Variants in SIPA1L1 observed in about 807,000 individuals in gnomAD.
The protein encoded by SIPA1L1 is signal-induced proliferation-associated 1-like protein 1.
In SIPA1L1, 26 loss-of-function variants were observed where a neutral mutation model predicts 162.7. That is an observed-to-expected ratio of 0.16 (90% CI 0.12 to 0.22). The LOEUF (loss-of-function observed/expected upper bound fraction) is 0.22, where lower values mean the gene tolerates loss of function less well. SIPA1L1 is among the 10% of genes least tolerant of loss of function. The pLI is 1.00. For synonymous variants in SIPA1L1, 829 were observed against 837.4 expected (o/e 0.99, Z 0.17); for missense variants, 1,874 against 2,241.0 (o/e 0.84, Z 3.31).
At chr14:71,670,201 T>C (rs1470307405) in intron 10 of SIPA1L1, among the ~76,000 whole-genome samples, 1 of 152,228 alleles carries the variant, frequency 6.6e-6, no homozygotes, top group African/African-American at 2.4e-5. Flanking sequence ...AACCTCTCTA[T>C]TTCTATATCA....
chr14:71,599,034 C>A (rs2036393105), intron 5 of SIPA1L1, among the ~76,000 whole-genome samples: 1 of 152,094 alleles, frequency 6.6e-6, no homozygotes, highest in African/African-American at 2.4e-5. Context: ...TTTTAGCTCC[C>A]ACATGTGCCT....
chr14:71,436,326 T>G (rs1327937216), intron 2 of SIPA1L1, among the ~76,000 whole-genome samples: 2 of 152,222 alleles, frequency 1.3e-5, no homozygotes, highest in East Asian at 1.9e-4. Context: ...TTTTGGAATT[T>G]TATGTCTTAC....
intron 2 of SIPA1L1, among the ~76,000 whole-genome samples, chr14:71,398,707 C>T (rs1444900845): frequency 6.6e-6 from 1 of 152,084 alleles, no homozygotes; most frequent in African/African-American, 2.4e-5. Flanking sequence ...AAGGGTGAGG[C>T]CAAAGCTAGA....
At chr14:71,503,849 A>AC (rs1304772696) in intron 2 of SIPA1L1, 2 of 151,984 alleles carry the variant, frequency 1.3e-5, no homozygotes, top group Non-Finnish European at 2.9e-5. Flanking sequence ...TGTCACCCAG[A>AC]CTAGAGTACA....
chr14:71,423,616 C>T (rs562917897), intron 2 of SIPA1L1, among the ~76,000 whole-genome samples: 1 of 152,236 alleles, frequency 6.6e-6, no homozygotes, highest in Admixed American at 6.5e-5. Flanking sequence ...AAAATCATTT[C>T]ACCATGTATG....
intron 3 of SIPA1L1, among the ~76,000 whole-genome samples, chr14:71,522,895 G>C (rs942880770): frequency 6.6e-6 from 1 of 152,124 alleles, no homozygotes; most frequent in African/African-American, 2.4e-5. Context: ...ATTTCACCAT[G>C]TTGGCCAGGC....
At chr14:71,477,881 G>T (rs1359811044) in intron 2 of SIPA1L1, among the ~76,000 whole-genome samples, 1 of 152,126 alleles carries the variant, frequency 6.6e-6, no homozygotes, top group East Asian at 1.9e-4. Flanking sequence ...CCAGGACTGG[G>T]ATTGCTGGAT....
intron 2 of SIPA1L1, among the ~76,000 whole-genome samples, chr14:71,502,229 C>A (rs1595792393): frequency 9.5e-6 from 1 of 105,588 alleles, no homozygotes; most frequent in African/African-American, 3.8e-5. Flanking sequence ...TCATGAGAGC[C>A]TTTGAGATAC....
At chr14:71,404,122 G>A (rs967617702) in intron 2 of SIPA1L1, among the ~76,000 whole-genome samples, 20 of 151,936 alleles carry the variant, frequency 1.3e-4, no homozygotes, top group African/African-American at 4.6e-4. Flanking sequence ...GGCACTCAGG[G>A]GTGTAACTAT....
At chr14:71,684,067 C>A (rs1163529940) in intron 12 of SIPA1L1, among the ~76,000 whole-genome samples, 1 of 152,104 alleles carries the variant, frequency 6.6e-6, no homozygotes, top group South Asian at 2.1e-4. Context: ...TTAAGGTCAC[C>A]CTTGGCTTTT....
intron 2 of SIPA1L1, among the ~76,000 whole-genome samples, chr14:71,423,306 T>C (rs1276507900): frequency 6.6e-6 from 1 of 152,194 alleles, no homozygotes; most frequent in African/African-American, 2.4e-5. Flanking sequence ...TGTCTTTTGA[T>C]GCACAAAATT....
intron 2 of SIPA1L1, among the ~76,000 whole-genome samples, chr14:71,392,511 C>T (rs372781058): frequency 6.6e-6 from 1 of 152,126 alleles, no homozygotes; most frequent in South Asian, 2.1e-4. Flanking sequence ...CTTCATAACA[C>T]ATACCTCTGT....
At chr14:71,546,311 A>G (rs957249696) in intron 4 of SIPA1L1, among the ~76,000 whole-genome samples, 1 of 149,326 alleles carries the variant, frequency 6.7e-6, no homozygotes, top group African/African-American at 2.5e-5. Context: ...TGGCTCTTCT[A>G]CTTTTGCGAA....
At chr14:71,635,648 A>G (rs2041067515) in intron 7 of SIPA1L1, among the ~76,000 whole-genome samples, 2 of 152,240 alleles carry the variant, frequency 1.3e-5, no homozygotes, top group Admixed American at 1.3e-4. Flanking sequence ...GATAAATCAG[A>G]AAAGAATTCT....
chr14:71,658,766 G>A (rs2043274188), intron 9 of SIPA1L1, among the ~76,000 whole-genome samples: 1 of 152,212 alleles, frequency 6.6e-6, no homozygotes, highest in Admixed American at 6.5e-5. Context: ...ACATCCATGA[G>A]TGGGTGAAGT....
At chr14:71,664,403 A>G (rs1229709776) in intron 10 of SIPA1L1, among the ~76,000 whole-genome samples, 1 of 152,050 alleles carries the variant, frequency 6.6e-6, no homozygotes, top group Non-Finnish European at 1.5e-5. Flanking sequence ...GCTTTTTTAA[A>G]GTTTTTTTAA....
rs753674737 is a variant in SIPA1L1 at position 71,723,802 on chromosome 14, G to A, written c.4364G>A (p.Arg1455His). The A allele has an allele frequency of 2.5e-6, 4 of 1,614,050 alleles. No individual in the cohort carries two copies. The highest frequency in any genetic ancestry group is 1.7e-5 in the Admixed American group (1 of 60,014). The change falls in exon 18 of 24, where the codon CGC (arginine) becomes CAC (histidine). Residue 1455 changes from arginine to histidine, a missense_variant. By Grantham distance (29) the Arg-to-His change is conservative. Around this residue, in one of 5 missense-constraint regions of SIPA1L1, gnomAD observed 936 missense variants for 1,051.9 expected, o/e 0.89. Coordinates refer to ENST00000381232, the MANE Select transcript of SIPA1L1 (RefSeq NM_001386936.1). ...TCTGGTCCTAGGAGTTTTTACCCTC[G>A]CCAGGGCGCTACTAGCAAGTACCTG... ...SSSGPRSFYP[R>H]QGATSKYLIG...
chr14:71,653,259 C>T lies in SIPA1L1; in HGVS notation c.1993+2750C>T, dbSNP rs1021732904. Among the ~76,000 whole-genome samples the T allele has an allele frequency of 2.6e-5, 4 of 152,152 alleles. No individual in the cohort carries two copies. In the South Asian group the frequency reaches 8.3e-4, roughly 32 times the overall value. ...GTGTCTACTGTGGCTGTTCAGAACT[C>T]ATTAATGTCTCCCAACCCAGTGTGA... On this transcript the variant is annotated intron_variant, in intron 8 of 23. Coordinates refer to ENST00000381232, the MANE Select transcript of SIPA1L1 (RefSeq NM_001386936.1).
chr14:71,399,606 G>A (rs1338002989), intron 2 of SIPA1L1, among the ~76,000 whole-genome samples: 1 of 152,150 alleles, frequency 6.6e-6, no homozygotes, highest in Non-Finnish European at 1.5e-5. Flanking sequence ...ATAGGGCCTT[G>A]CTATGTTGCC....
Sources: gnomAD v4.1 joint callset for allele counts (sites outside exome capture counted in the v4.1 genomes callset) on GRCh38, gnomAD v4.1.1 for gene constraint, gnomAD v4.1.1 regional missense constraint, MANE v1.5 for transcripts, NCBI Gene and HGNC (gene_info 2026-07-23, HGNC 2026-07-21) for gene names.